The following NXPE2 variants were observed in gnomAD, a reference collection of about 807,000 sequenced individuals.
The protein encoded by NXPE2 is neurexophilin and PC-esterase domain family member 2.
Under a neutral mutation model 34.4 loss-of-function variants are expected in NXPE2, and 34 were observed. The observed-to-expected ratio is 0.99, with a 90% CI of 0.75 to 1.31. NXPE2 has a LOEUF of 1.31. NXPE2 is among the 40% of genes most tolerant of loss of function. NXPE2 has a pLI of 0.00. For synonymous variants in NXPE2, 235 were observed against 231.3 expected, an observed-to-expected ratio of 1.02 and a Z score of -0.15; for missense variants, 649 against 672.5, an observed-to-expected ratio of 0.97 and a Z score of 0.39.
chr11:114,572,978 C>G, the NXPE2 span, among the ~76,000 whole-genome samples: 1 of 152,234 alleles, frequency 6.6e-6, no homozygotes, highest in East Asian at 1.9e-4. Context: ...ATCAGGTAAC[C>G]TATAAAAGAA....
chr11:114,660,586 T>C, the NXPE2 span, among the ~76,000 whole-genome samples: 1 of 151,918 alleles, frequency 6.6e-6, no homozygotes, highest in African/African-American at 2.4e-5. Context: ...AAAGTTATGG[T>C]AAACTAAAAA....
chr11:114,692,892 C>G (rs1265733231), intron 2 of NXPE2, among the ~76,000 whole-genome samples: 1 of 152,132 alleles, frequency 6.6e-6, no homozygotes, highest in Non-Finnish European at 1.5e-5. Flanking sequence ...ACCGCAACAA[C>G]TATCTACTTT....
the NXPE2 span, among the ~76,000 whole-genome samples, chr11:114,726,240 A>C: frequency 6.6e-6 from 1 of 151,758 alleles, no homozygotes; most frequent in Non-Finnish European, 1.5e-5. Flanking sequence ...CATTTAAATC[A>C]TGCTCCCCTT....
At chr11:114,498,486 G>T in the NXPE2 span, among the ~76,000 whole-genome samples, 1 of 151,868 alleles carries the variant, frequency 6.6e-6, no homozygotes, top group Non-Finnish European at 1.5e-5. Context: ...AAAAATTATT[G>T]TCCTTCATTA....
At chr11:114,775,807 C>A in the NXPE2 span, among the ~76,000 whole-genome samples, 1 of 148,054 alleles carries the variant, frequency 6.8e-6, no homozygotes, top group Non-Finnish European at 1.5e-5. Flanking sequence ...CAAAGAAGGT[C>A]AAAGGGTGGT....
At chr11:114,551,436 A>G in the NXPE2 span, 6 of 1,265,474 alleles carry the variant, frequency 4.7e-6, no homozygotes, top group Non-Finnish European at 5.0e-6. Flanking sequence ...TCCTCCTTCC[A>G]GGACCCTGAA....
the NXPE2 span, among the ~76,000 whole-genome samples, chr11:114,546,806 G>C: frequency 1.5e-4 from 23 of 152,222 alleles, no homozygotes; most frequent in African/African-American, 5.5e-4. Context: ...CGGAAAGCAA[G>C]AAATGCTCAA....
the NXPE2 span, among the ~76,000 whole-genome samples, chr11:114,629,734 CCT>C: frequency 2.9e-4 from 44 of 151,636 alleles, 1 homozygote; most frequent in Non-Finnish European, 5.7e-4. Flanking sequence ...TCAAATTGTC[CCT>C]GTTTGCAGAC....
At chr11:114,489,110 A>T in the NXPE2 span, among the ~76,000 whole-genome samples, 1 of 152,242 alleles carries the variant, frequency 6.6e-6, no homozygotes, top group Admixed American at 6.5e-5. Context: ...AAAATCTAGA[A>T]GAAATGGATA....
downstream of NXPE2, among the ~76,000 whole-genome samples, chr11:114,708,384 T>A (rs73005630): frequency 0.022 from 3,302 of 152,206 alleles, 45 homozygotes; most frequent in Non-Finnish European, 0.034. Flanking sequence ...ACAAATTTTG[T>A]CTCTAAATCT....
At chr11:114,707,374 G>T (rs575252589), downstream of NXPE2, 6 of 397,246 alleles carry the variant, frequency 1.5e-5, no homozygotes, top group Admixed American at 5.4e-5. Flanking sequence ...GGGATTACAG[G>T]CATGAACCAC....
the NXPE2 span, among the ~76,000 whole-genome samples, chr11:114,617,225 A>G: frequency 6.6e-6 from 1 of 151,800 alleles, no homozygotes; most frequent in South Asian, 2.1e-4. Context: ...TTGGATAATA[A>G]ATATTTCCTC....
At chr11:114,808,295 A>G in the NXPE2 span, among the ~76,000 whole-genome samples, 2 of 152,056 alleles carry the variant, frequency 1.3e-5, no homozygotes, top group Non-Finnish European at 2.9e-5. Flanking sequence ...TAGAAAAGCA[A>G]GAGCAAACAC....
chr11:114,811,976 C>G, the NXPE2 span, among the ~76,000 whole-genome samples: 3 of 152,098 alleles, frequency 2.0e-5, no homozygotes, highest in Non-Finnish European at 2.9e-5. Flanking sequence ...GTGTCTGGCA[C>G]ATAGCAGACA....
At chr11:114,753,922 G>T in the NXPE2 span, among the ~76,000 whole-genome samples, 16 of 152,110 alleles carry the variant, frequency 1.1e-4, no homozygotes, top group Non-Finnish European at 2.4e-4. Context: ...GATGGAATAT[G>T]ATCTTTGGAG....
the NXPE2 span, among the ~76,000 whole-genome samples, chr11:114,509,825 T>C: frequency 2.6e-5 from 4 of 152,116 alleles, no homozygotes; most frequent in African/African-American, 9.7e-5. Context: ...TATTGGGTAC[T>C]AGGTTTAATA....
the NXPE2 span, among the ~76,000 whole-genome samples, chr11:114,520,081 C>A: frequency 6.6e-6 from 1 of 152,032 alleles, no homozygotes; most frequent in Non-Finnish European, 1.5e-5. Context: ...GCATTACAGG[C>A]GTAAGCCACC....
chr11:114,482,952 C>T, the NXPE2 span, among the ~76,000 whole-genome samples: 1 of 152,166 alleles, frequency 6.6e-6, no homozygotes, highest in African/African-American at 2.4e-5. Flanking sequence ...CCACTGCTCC[C>T]AGCATCCAGC....
the NXPE2 span, among the ~76,000 whole-genome samples, chr11:114,663,607 A>G: frequency 3.3e-4 from 32 of 98,166 alleles, no homozygotes; most frequent in Non-Finnish European, 5.5e-4. Context: ...CTATCTATCT[A>G]TCTATCTATC....
Sources: allele counts gnomAD v4.1 joint callset (sites outside exome capture counted in the v4.1 genomes callset), GRCh38; gene constraint gnomAD v4.1.1; transcripts MANE v1.5; gene names NCBI Gene and HGNC (gene_info 2026-07-23, HGNC 2026-07-21).